The following CUX2 variants were observed in gnomAD, a reference collection of about 807,000 sequenced individuals.
CUX2 encodes the protein homeobox protein cut-like 2.
A neutral mutation model predicts 144.8 loss-of-function variants in CUX2; 40 were observed. The observed-to-expected ratio is 0.28, with a 90% CI of 0.21 to 0.36. CUX2 has a LOEUF of 0.36. Ranked by LOEUF, CUX2 falls within the 10% of genes least tolerant of loss-of-function variation. The probability of loss-of-function intolerance (pLI) is 1.00; values close to 1 mark genes in which losing one functional copy is unlikely to be tolerated. For missense variants in CUX2, 1,615 were observed against 1,994.0 expected (o/e 0.81, Z 3.62); for synonymous variants, 827 against 875.6 (o/e 0.94, Z 0.98).
intron 1 of CUX2, among the ~76,000 whole-genome samples, chr12:111,203,756 G>A (rs1036556928): frequency 6.6e-6 from 1 of 152,076 alleles, no homozygotes; most frequent in Non-Finnish European, 1.5e-5. Flanking sequence ...GCCAAGTGGG[G>A]AAGGGGCTGT....
At chr12:111,106,052 A>C (rs1592900826) in intron 1 of CUX2, among the ~76,000 whole-genome samples, 1 of 152,004 alleles carries the variant, frequency 6.6e-6, no homozygotes, top group African/African-American at 2.4e-5. Flanking sequence ...TTTAGTAGAC[A>C]TGGGGTCTTG....
chr12:111,199,285 C>G (rs1351713093), intron 1 of CUX2, among the ~76,000 whole-genome samples: 1 of 152,172 alleles, frequency 6.6e-6, no homozygotes, highest in Admixed American at 6.5e-5. Context: ...GCAAGAGCAG[C>G]AAGCAGGATT....
intron 21 of CUX2, among the ~76,000 whole-genome samples, chr12:111,342,342 G>T (rs907556930): frequency 3.9e-5 from 6 of 152,136 alleles, no homozygotes; most frequent in African/African-American, 1.4e-4. Context: ...TTAGTTGTGT[G>T]CGGTGGCATA....
chr12:111,212,511 C>T (rs766283606), intron 1 of CUX2, among the ~76,000 whole-genome samples: 13 of 152,192 alleles, frequency 8.5e-5, no homozygotes, highest in Non-Finnish European at 1.6e-4. Flanking sequence ...ACCTCAGCCT[C>T]CCAAGTAGCT....
chr12:111,044,548 C>T (rs1869908543), intron 1 of CUX2, among the ~76,000 whole-genome samples: 1 of 152,200 alleles, frequency 6.6e-6, no homozygotes, highest in Non-Finnish European at 1.5e-5. Flanking sequence ...TTGAATACCA[C>T]CTCCTCAGAG....
intron 1 of CUX2, among the ~76,000 whole-genome samples, chr12:111,116,846 T>C (rs542686983): frequency 6.6e-6 from 1 of 152,332 alleles, no homozygotes; most frequent in South Asian, 2.1e-4. Context: ...AGCTTATGTT[T>C]CTATGGTGCA....
rs1227047616 is a variant in CUX2 at position 111,328,941 on chromosome 12, A to ATCTCTCTCTCTC, written c.2927-5477_2927-5466dup. On this transcript the variant is annotated intron_variant, in intron 18 of 21. Coordinates refer to ENST00000261726, the MANE Select transcript of CUX2 (RefSeq NM_015267.4). The stretch of plus-strand genomic sequence containing the variant: ...CACTCTGCATTTTTTTGATTCACCT[A>ATCTCTCTCTCTC]TCTCTCTCTCTCTCTCTCTCTCTCT... 2.8e-3 allele frequency among the ~76,000 whole-genome samples: 80 copies of ATCTCTCTCTCTC among 28,990 alleles called. 8 individuals carry two copies. Among genetic ancestry groups the ATCTCTCTCTCTC allele is most frequent in the African/African-American group, 7.2e-3 (27 of 3,772 alleles). The allele number at this position is 28,990 out of a possible 152,430, so 19.0% of individuals were successfully genotyped here. A position where few individuals can be genotyped will look rare whatever the true frequency, so the allele number is the denominator to read the frequency against.
chr12:111,248,192 C>T (rs1433834326), intron 3 of CUX2, among the ~76,000 whole-genome samples: 19 of 152,248 alleles, frequency 1.2e-4, no homozygotes, highest in Admixed American at 1.2e-3. Flanking sequence ...TGAGCCACTG[C>T]GTCTGGCCCA....
At chr12:111,245,969 A>T (rs1419115543) in intron 3 of CUX2, among the ~76,000 whole-genome samples, 1 of 152,186 alleles carries the variant, frequency 6.6e-6, no homozygotes, top group African/African-American at 2.4e-5. Flanking sequence ...TCTGTAAGCC[A>T]TCTGAAGGAG....
chr12:111,169,694 G>C (rs1358289334), intron 1 of CUX2, among the ~76,000 whole-genome samples: 1 of 152,202 alleles, frequency 6.6e-6, no homozygotes, highest in Non-Finnish European at 1.5e-5. Flanking sequence ...GTGATTAAAG[G>C]GGTCTTAAAA....
intron 1 of CUX2, among the ~76,000 whole-genome samples, chr12:111,140,340 T>G (rs1876228264): frequency 6.6e-6 from 1 of 152,216 alleles, no homozygotes; most frequent in Non-Finnish European, 1.5e-5. Flanking sequence ...AAGGCAACTC[T>G]CACTTTCTCA....
At position 111,322,065 on chromosome 12, in the gene CUX2, C is replaced by T. The variant is rs1482517936; in HGVS notation, c.2767-356C>T. Among the ~76,000 whole-genome samples, 2 of 152,000 alleles carry T rather than the reference C, an allele frequency of 1.3e-5. No homozygotes were observed. Among genetic ancestry groups the T allele is most frequent in the Admixed American group, 6.6e-5 (1 of 15,236 alleles). Reference sequence around the variant, plus strand: ...GGGCATGGTGGCTCACACCTATAATCCCAACACTGTGGGAGGCTGAGTTGG... The same window carrying T: ...GGGCATGGTGGCTCACACCTATAATTCCAACACTGTGGGAGGCTGAGTTGG... On this transcript the variant is annotated intron_variant, in intron 17 of 21. Coordinates refer to ENST00000261726, the MANE Select transcript of CUX2 (RefSeq NM_015267.4). This position sits in a 1 kb window ranked among gnomAD's most constrained non-coding sequence, Gnocchi z 4.2.
In CUX2 at chr12:111,153,980, A is replaced by C. The variant is rs540681799; in HGVS notation, c.64-60220A>C. 5.9e-5 allele frequency among the ~76,000 whole-genome samples: 9 copies of C among 152,228 alleles called. No homozygotes were observed. In the South Asian group the frequency reaches 1.9e-3, roughly 32 times the overall value. ...ATTTCTTCTGTGTTTCTGGGCCCCAAGTTCCCCCTTTTTACAAAGACACCA... is the reference window on the plus strand; with the variant it reads ...ATTTCTTCTGTGTTTCTGGGCCCCACGTTCCCCCTTTTTACAAAGACACCA... On this transcript the variant is annotated intron_variant, in intron 1 of 21. Transcript: ENST00000261726.
intron 3 of CUX2, among the ~76,000 whole-genome samples, chr12:111,257,660 C>T (rs1272215118): frequency 7.4e-6 from 1 of 135,504 alleles, no homozygotes; most frequent in Non-Finnish European, 1.6e-5. Context: ...CTTCCTCCTC[C>T]TCCCTCTTCC....
rs1161516504 is a variant in CUX2, at chr12:111,312,699, G to GAA, written c.2002+508_2002+509dup. 4.0e-3 allele frequency among the ~76,000 whole-genome samples: 580 copies of GAA among 144,534 alleles called. 4 individuals are homozygous for GAA. The highest frequency in any genetic ancestry group is 6.4e-3 in the Admixed American group (92 of 14,484). 94.8% of individuals were successfully genotyped at this position (144,534 alleles called of 152,430 possible). On this transcript the variant is annotated intron_variant, in intron 16 of 21. Coordinates refer to ENST00000261726, the MANE Select transcript of CUX2 (RefSeq NM_015267.4). This position sits in a 1 kb window ranked among gnomAD's most constrained non-coding sequence, Gnocchi z 4.3. ...TAGGTGACAAAGCAAGACTCTGTCAGAAAAAAAAAAAGAAAAATATCCCAA... is the reference window on the plus strand; with the variant it reads ...TAGGTGACAAAGCAAGACTCTGTCAGAAAAAAAAAAAAAGAAAAATATCCCAA...
intron 3 of CUX2, among the ~76,000 whole-genome samples, chr12:111,239,920 C>T (rs1298131678): frequency 6.6e-6 from 1 of 152,172 alleles, no homozygotes; most frequent in African/African-American, 2.4e-5. Flanking sequence ...AAGACAGGGT[C>T]ATTGTCAAGG....
At chr12:111,040,431 CTT>C (rs1376746380) in intron 1 of CUX2, among the ~76,000 whole-genome samples, 1 of 152,134 alleles carries the variant, frequency 6.6e-6, no homozygotes, top group African/African-American at 2.4e-5. Flanking sequence ...GCGGCCTTCT[CTT>C]TGTCCCACAA....
chr12:111,075,108 C>A (rs1315243117), intron 1 of CUX2, among the ~76,000 whole-genome samples: 2 of 151,328 alleles, frequency 1.3e-5, no homozygotes, highest in East Asian at 3.9e-4. Context: ...CACCACCCAG[C>A]CGCACCCTGA....
At chr12:111,172,381 C>T (rs539286657) in intron 1 of CUX2, among the ~76,000 whole-genome samples, 14 of 152,240 alleles carry the variant, frequency 9.2e-5, no homozygotes, top group Non-Finnish European at 1.9e-4. Context: ...GGCCTTTTAA[C>T]AACCCGCTGG....
Sources: gnomAD v4.1 joint callset for allele counts (sites outside exome capture counted in the v4.1 genomes callset) on GRCh38, gnomAD v4.1.1 for gene constraint, Gnocchi (gnomAD v3.1) non-coding constraint, MANE v1.5 for transcripts, NCBI Gene and HGNC (gene_info 2026-07-23, HGNC 2026-07-21) for gene names.